Variants in GAS2L3 observed in about 807,000 individuals in gnomAD.
The protein encoded by GAS2L3 is GAS2-like protein 3.
A neutral mutation model predicts 37.0 loss-of-function variants in GAS2L3; 28 were observed. That is an observed-to-expected ratio of 0.76 (90% CI 0.56 to 1.04). The LOEUF (loss-of-function observed/expected upper bound fraction) is 1.04. Among genes scored for constraint, GAS2L3 ranks in the 50% least tolerant of loss-of-function variants. GAS2L3 has a pLI of 0.00. For synonymous variants in GAS2L3, 290 were observed against 296.6 expected (o/e 0.98, Z 0.23); for missense variants, 793 against 817.6 (o/e 0.97, Z 0.37).
intron 5 of GAS2L3, 44 bp from the exon 6 acceptor site, chr12:100,611,931 ATATCAAAATGAATGTTTAATGAAAG>A: frequency 9.9e-7 from 1 of 1,006,074 alleles, no homozygotes. Context: ...TTATTTAGCA[ATATCAAAATGAATGTTTAATGAAAG>A]TATCCTTGAT....
intron 5 of GAS2L3, among the ~76,000 whole-genome samples, chr12:100,606,508 A>G (rs1379796159): frequency 6.6e-6 from 1 of 152,082 alleles, no homozygotes; most frequent in African/African-American, 2.4e-5. Context: ...TAATTGATAA[A>G]TAAGGACTTA....
At position 100,624,549 on chromosome 12, in the gene GAS2L3, A is replaced by G. The variant is rs1293989648; in HGVS notation, c.1744A>G (p.Asn582Asp). 6.2e-7 allele frequency: 1 copy of G among 1,613,904 alleles called. No homozygotes were observed. The highest frequency in any genetic ancestry group is 2.2e-5 in the East Asian group (1 of 44,872). ...AGCCACACAGAAATCAAAAGATAAG[A>G]ATATAGTTTCAGCTACCAAAAAGCA... Reference protein sequence around the residue: ...VKATQKSKDKNIVSATKKQPQ... With the variant: ...VKATQKSKDKDIVSATKKQPQ... The change falls in exon 10 of 10, where the codon AAT becomes GAT. Residue 582 changes from asparagine (N) to aspartate (D), a missense_variant. Coordinates refer to ENST00000547754, the MANE Select transcript of GAS2L3 (RefSeq NM_174942.3).
At chr12:100,579,694 T>A (rs1022565997) in intron 1 of GAS2L3, 2 of 775,306 alleles carry the variant, frequency 2.6e-6, no homozygotes, top group East Asian at 4.9e-5. Flanking sequence ...TGCATGGCGA[T>A]CATGGAAGCA....
chr12:100,573,724 TG>T lies in GAS2L3; in HGVS notation c.-211del. ...CGGCGGCGGTTGGTCAGGGGCGTGT[TG>T]GCCCCGCACAGATTGAGCCGAGTTG... On this transcript the variant is annotated 5_prime_UTR_variant, in exon 1 of 10. Coordinates refer to ENST00000547754, the MANE Select transcript of GAS2L3 (RefSeq NM_174942.3). The T allele has an allele frequency of 6.3e-6, 1 of 157,728 alleles. No individual in the cohort carries two copies. The highest frequency in any genetic ancestry group is 1.4e-5 in the Non-Finnish European group (1 of 71,932). 9.8% of individuals were successfully genotyped at this position (157,728 alleles called of 1,614,324 possible). A position where few individuals can be genotyped will look rare whatever the true frequency, so the allele number is the denominator to read the frequency against.
rs112341568 is a variant in GAS2L3, at chr12:100,610,969, A to C, written c.304-1031A>C. 139 of 152,142 alleles carry C rather than the reference A, an allele frequency of 9.1e-4. 1 individual carries two copies. Among genetic ancestry groups the C allele is most frequent in the African/African-American group, 3.3e-3 (135 of 41,498 alleles). 9.4% of individuals were successfully genotyped at this position (152,142 alleles called of 1,614,324 possible). On this transcript the variant is annotated intron_variant, in intron 5 of 9. Coordinates refer to ENST00000547754, the MANE Select transcript of GAS2L3 (RefSeq NM_174942.3). ...AATCTGCGTGGAAGGAAGTAAGCAA[A>C]AATGGGTGTCTGTGATTCTTTTTTT...
intron 1 of GAS2L3, among the ~76,000 whole-genome samples, chr12:100,589,573 T>C (rs980082604): frequency 5.9e-5 from 9 of 151,902 alleles, no homozygotes; most frequent in Non-Finnish European, 1.2e-4. Context: ...GAAAAAACAA[T>C]TCTAAAATTC....
At chr12:100,583,043 C>A (rs1394835596) in intron 1 of GAS2L3, among the ~76,000 whole-genome samples, 1 of 152,128 alleles carries the variant, frequency 6.6e-6, no homozygotes, top group South Asian at 2.1e-4. Flanking sequence ...TTTTTCTTTA[C>A]CCCCAAGAGA....
intron 1 of GAS2L3, among the ~76,000 whole-genome samples, chr12:100,577,821 G>C (rs1955657100): frequency 6.6e-6 from 1 of 152,242 alleles, no homozygotes; most frequent in Non-Finnish European, 1.5e-5. Context: ...GTCTGGAAAA[G>C]AGGTGTAAGA....
intron 1 of GAS2L3, among the ~76,000 whole-genome samples, chr12:100,580,497 T>C (rs116886279): frequency 6.6e-6 from 1 of 152,320 alleles, no homozygotes; most frequent in Non-Finnish European, 1.5e-5. Flanking sequence ...ACATTATATT[T>C]TGAGAGCTTT....
intron 5 of GAS2L3, among the ~76,000 whole-genome samples, chr12:100,610,518 A>AT (rs199583019): frequency 0.46 from 66,992 of 145,878 alleles, 15,802 homozygotes; most frequent in Non-Finnish European, 0.54. Flanking sequence ...TATTGGTTTG[A>AT]TTTTTTTTTT....
intron 5 of GAS2L3, among the ~76,000 whole-genome samples, chr12:100,604,774 A>G (rs1047689515): frequency 2.0e-4 from 30 of 151,988 alleles, no homozygotes; most frequent in African/African-American, 7.2e-4. Flanking sequence ...TATTCCTTCT[A>G]TACCCAGTTT....
chr12:100,618,790 A>G, intron 8 of GAS2L3: 1 of 469,300 alleles, frequency 2.1e-6, no homozygotes. Context: ...TATGATGAGG[A>G]ATAAATGTGT....
intron 4 of GAS2L3, among the ~76,000 whole-genome samples, chr12:100,600,951 A>G (rs75636423): frequency 0.02 from 3,098 of 152,138 alleles, 88 homozygotes; most frequent in African/African-American, 0.064. Flanking sequence ...AATGATTACA[A>G]TTTTTGAGGC....
At chr12:100,586,441 G>A (rs1161619792) in intron 1 of GAS2L3, among the ~76,000 whole-genome samples, 2 of 152,132 alleles carry the variant, frequency 1.3e-5, no homozygotes, top group Non-Finnish European at 2.9e-5. Context: ...TCAAAACTGT[G>A]CAAACACATG....
intron 3 of GAS2L3, among the ~76,000 whole-genome samples, chr12:100,596,301 T>C (rs1468903392): frequency 6.6e-6 from 1 of 152,104 alleles, no homozygotes; most frequent in Non-Finnish European, 1.5e-5. Context: ...TCTTATCAAT[T>C]ATATTTTCTA....
intron 1 of GAS2L3, among the ~76,000 whole-genome samples, chr12:100,587,530 G>A (rs1955795625): frequency 6.6e-6 from 1 of 152,162 alleles, no homozygotes; most frequent in Admixed American, 6.5e-5. Context: ...GCAAAATCCA[G>A]CATCCCTTTC....
rs1234341654 is a variant in GAS2L3 at position 100,584,236 on chromosome 12, T to G, written c.-151-7500T>G. Among the ~76,000 whole-genome samples, 7 of 152,260 alleles carry G rather than the reference T, an allele frequency of 4.6e-5. 1 individual carries two copies. The South Asian group carries it at 1.2e-3, about 27-fold the overall frequency. On this transcript the variant is annotated intron_variant, in intron 1 of 9. Coordinates refer to ENST00000547754, the MANE Select transcript of GAS2L3 (RefSeq NM_174942.3). ...TAGGGAGAAATGTGAATTCAAGGGC[T>G]AAAGATATAATCAGAATTAATTCAG...
intron 1 of GAS2L3, chr12:100,580,333 A>G (rs1021808195): frequency 6.7e-6 from 2 of 298,270 alleles, no homozygotes; most frequent in African/African-American, 4.3e-5. Flanking sequence ...CTACTTCTAT[A>G]TCATTCAATG....
At chr12:100,580,593 T>C (rs1955698752) in intron 1 of GAS2L3, among the ~76,000 whole-genome samples, 1 of 152,238 alleles carries the variant, frequency 6.6e-6, no homozygotes, top group South Asian at 2.1e-4. Flanking sequence ...ACTAGATGTT[T>C]ACAAGTTTTC....
Sources: allele counts gnomAD v4.1 joint callset (sites outside exome capture counted in the v4.1 genomes callset), GRCh38; gene constraint gnomAD v4.1.1; transcripts MANE v1.5; gene names NCBI Gene and HGNC (gene_info 2026-07-23, HGNC 2026-07-21).